TRPM3: variants seen among roughly 807,000 people sequenced by gnomAD.
The protein encoded by TRPM3 is transient receptor potential cation channel subfamily M member 3.
Under a neutral mutation model 181.2 loss-of-function variants are expected in TRPM3, and 77 were observed. The observed-to-expected ratio is 0.42, with a 90% CI of 0.35 to 0.51. The LOEUF is 0.51. Among genes scored for constraint, TRPM3 ranks in the 20% least tolerant of loss-of-function variants. TRPM3 has a pLI of 0.01. For missense variants in TRPM3, 1,759 were observed against 2,196.7 expected (o/e 0.80, Z 3.98); for synonymous variants, 745 against 796.4 (o/e 0.94, Z 1.09).
chr9:71,208,423 C>G (rs1168687102), intron 1 of TRPM3, among the ~76,000 whole-genome samples: 1 of 151,138 alleles, frequency 6.6e-6, no homozygotes, highest in Non-Finnish European at 1.5e-5. Context: ...CTTTACCCAC[C>G]AAAAACAGGA....
intron 1 of TRPM3, among the ~76,000 whole-genome samples, chr9:71,162,914 G>A (rs1043424848): frequency 1.3e-5 from 2 of 152,120 alleles, no homozygotes; most frequent in Admixed American, 6.6e-5. Flanking sequence ...GGTTTCTTAT[G>A]GGAGGTGATG....
intron 1 of TRPM3, among the ~76,000 whole-genome samples, chr9:71,279,818 C>G (rs1218843476): frequency 2.6e-5 from 4 of 152,198 alleles, no homozygotes; most frequent in African/African-American, 9.7e-5. Flanking sequence ...TGGCTCATGC[C>G]TGTAATCCCA....
At chr9:71,263,093 G>T (rs1053308686) in intron 1 of TRPM3, among the ~76,000 whole-genome samples, 17 of 152,134 alleles carry the variant, frequency 1.1e-4, no homozygotes, top group Admixed American at 9.8e-4. Context: ...AATAACTAAT[G>T]ATATCATAAT....
intron 1 of TRPM3, among the ~76,000 whole-genome samples, chr9:71,032,755 T>C (rs1280040339): frequency 6.6e-6 from 1 of 152,222 alleles, no homozygotes; most frequent in Non-Finnish European, 1.5e-5. Flanking sequence ...GTGTAGTACA[T>C]GGCTATGCAT....
chr9:71,301,057 T>A (rs2086726270), intron 1 of TRPM3, among the ~76,000 whole-genome samples: 1 of 152,140 alleles, frequency 6.6e-6, no homozygotes, highest in African/African-American at 2.4e-5. Flanking sequence ...ATGTATAGGG[T>A]ACTTCCTATG....
At chr9:70,564,580 A>G (rs1189165054) in intron 22 of TRPM3, among the ~76,000 whole-genome samples, 4 of 152,202 alleles carry the variant, frequency 2.6e-5, no homozygotes, top group Non-Finnish European at 5.9e-5. Flanking sequence ...CAAAGAGGGA[A>G]GAGCCAGGGC....
intron 1 of TRPM3, among the ~76,000 whole-genome samples, chr9:70,925,087 T>C (rs1284056212): frequency 2.0e-5 from 3 of 152,188 alleles, no homozygotes; most frequent in Non-Finnish European, 4.4e-5. Flanking sequence ...GGCTTTCACA[T>C]TCTCCAGTAC....
At chr9:70,586,688 C>T (rs1371536107) in intron 22 of TRPM3, among the ~76,000 whole-genome samples, 1 of 152,188 alleles carries the variant, frequency 6.6e-6, no homozygotes, top group Non-Finnish European at 1.5e-5. Context: ...GCTCTGAATC[C>T]ATTAGAGAAG....
intron 1 of TRPM3, among the ~76,000 whole-genome samples, chr9:71,114,152 T>G (rs1352267835): frequency 6.6e-6 from 1 of 152,148 alleles, no homozygotes; most frequent in Admixed American, 6.5e-5. Flanking sequence ...CCTACCTACC[T>G]ATGCATTAAA....
At chr9:71,039,668 C>T (rs921359428) in intron 1 of TRPM3, among the ~76,000 whole-genome samples, 3 of 152,090 alleles carry the variant, frequency 2.0e-5, no homozygotes, top group African/African-American at 4.8e-5. Flanking sequence ...CAATTCTCAG[C>T]ATTAATGGAT....
chr9:70,575,293 G>T (rs140058058), intron 22 of TRPM3, among the ~76,000 whole-genome samples: 2 of 152,046 alleles, frequency 1.3e-5, no homozygotes, highest in African/African-American at 4.8e-5. Flanking sequence ...TGGCTTCCCC[G>T]CTGGAAGAAA....
At chr9:71,199,374 G>T (rs551793477) in intron 1 of TRPM3, among the ~76,000 whole-genome samples, 1 of 152,284 alleles carries the variant, frequency 6.6e-6, no homozygotes, top group African/African-American at 2.4e-5. Flanking sequence ...GTATCAGAAT[G>T]ATGCTAGCCT....
At chr9:70,792,339 G>A (rs775722927) in intron 6 of TRPM3, among the ~76,000 whole-genome samples, 22 of 151,980 alleles carry the variant, frequency 1.4e-4, no homozygotes, top group Non-Finnish European at 2.6e-4. Context: ...AGGAAGGTAA[G>A]CCAATGAACA....
At chr9:70,959,198 A>G (rs2133800998) in intron 1 of TRPM3, among the ~76,000 whole-genome samples, 1 of 152,186 alleles carries the variant, frequency 6.6e-6, no homozygotes, top group Middle Eastern at 3.4e-3. Context: ...TAAAAAAAAA[A>G]TGTATAGTAA....
At chr9:70,605,709 C>G (rs2060949095) in intron 19 of TRPM3, among the ~76,000 whole-genome samples, 1 of 152,150 alleles carries the variant, frequency 6.6e-6, no homozygotes, top group Admixed American at 6.5e-5. Flanking sequence ...GGTTAAAACT[C>G]TAAAATATAC....
At chr9:71,138,127 AG>A (rs2074880175) in intron 1 of TRPM3, among the ~76,000 whole-genome samples, 1 of 152,212 alleles carries the variant, frequency 6.6e-6, no homozygotes, top group South Asian at 2.1e-4. Flanking sequence ...AAAGAAAAAA[AG>A]AAAAAAAAAA....
chr9:71,100,950 CT>C (rs1418792624), intron 1 of TRPM3, among the ~76,000 whole-genome samples: 1 of 152,088 alleles, frequency 6.6e-6, no homozygotes, highest in Admixed American at 6.6e-5. Flanking sequence ...AGTGACATGA[CT>C]TATTCTTTCT....
At chr9:71,054,054 CTG>C (rs1477743664) in intron 1 of TRPM3, among the ~76,000 whole-genome samples, 1 of 152,132 alleles carries the variant, frequency 6.6e-6, no homozygotes, top group African/African-American at 2.4e-5. Flanking sequence ...CTTATACTAA[CTG>C]TGCTATCCAC....
chr9:70,789,539 C>CAA (rs1221935575), intron 6 of TRPM3, among the ~76,000 whole-genome samples: 1 of 152,166 alleles, frequency 6.6e-6, no homozygotes, highest in East Asian at 1.9e-4. Context: ...TAAGCCAATT[C>CAA]CTTAGTTGAT....
Sources: gnomAD v4.1 joint callset for allele counts (sites outside exome capture counted in the v4.1 genomes callset) on GRCh38, gnomAD v4.1.1 for gene constraint, MANE v1.5 for transcripts, NCBI Gene and HGNC (gene_info 2026-07-23, HGNC 2026-07-21) for gene names.